PALM2AKAP2: variants seen among roughly 807,000 people sequenced by gnomAD.
The protein encoded by PALM2AKAP2 is PALM2-AKAP2 fusion protein.
In PALM2AKAP2, 37 loss-of-function variants were observed where a neutral mutation model predicts 71.5. That is an observed-to-expected ratio of 0.52 (90% CI 0.40 to 0.68). The LOEUF is 0.68. Ranked by LOEUF, PALM2AKAP2 falls within the 30% of genes least tolerant of loss-of-function variation. The probability of loss-of-function intolerance (pLI) is 0.00; values close to 1 mark genes in which losing one functional copy is unlikely to be tolerated. For missense variants in PALM2AKAP2, 1,224 were observed against 1,191.8 expected (o/e 1.03, Z -0.40); for synonymous variants, 468 against 478.8 (o/e 0.98, Z 0.29).
chr9:110,005,882 G>A (rs940710896), intron 6 of PALM2AKAP2, among the ~76,000 whole-genome samples: 1 of 152,172 alleles, frequency 6.6e-6, no homozygotes, highest in Admixed American at 6.5e-5. Flanking sequence ...GAAAAGTGCA[G>A]TATTAGGGTG....
At chr9:110,169,579 TAGAG>T (rs1253240169) in exon 4 of PALM2AKAP2, 1 of 151,316 alleles carries the variant, frequency 6.6e-6, no homozygotes, top group Non-Finnish European at 1.5e-5. Context: ...GTCAGGAAGG[TAGAG>T]AGAGAAAAAG....
chr9:109,820,654 G>T (rs932417461), intron 1 of PALM2AKAP2, among the ~76,000 whole-genome samples: 1 of 152,222 alleles, frequency 6.6e-6, no homozygotes, highest in East Asian at 1.9e-4. Context: ...TGGCGTCTGA[G>T]TTCTGGCTTG....
At position 109,655,298 on chromosome 9, in the gene PALM2AKAP2, C is replaced by CA. The variant is rs10598253; in HGVS notation, c.5+14452dup. 9.6e-4 allele frequency among the ~76,000 whole-genome samples: 106 copies of CA among 110,362 alleles called. 2 individuals carry two copies. The highest frequency in any genetic ancestry group is 6.4e-3 in the South Asian group (21 of 3,294). 72.4% of individuals were successfully genotyped at this position (110,362 alleles called of 152,430 possible). ...TGGGCGACAGAGCGAGACTCGGTCTCAAAAAAAAAAAAAAAAAAAAGATTG... is the reference window on the plus strand; with the variant it reads ...TGGGCGACAGAGCGAGACTCGGTCTCAAAAAAAAAAAAAAAAAAAAAGATTG... On this transcript the variant is annotated intron_variant, in intron 1 of 6. Transcript: ENST00000374531.
At chr9:109,719,429 G>T (rs1828373727) in intron 1 of PALM2AKAP2, among the ~76,000 whole-genome samples, 1 of 152,160 alleles carries the variant, frequency 6.6e-6, no homozygotes, top group African/African-American at 2.4e-5. Context: ...GTAAATAAGA[G>T]ATAGTTAGAG....
Position 110,136,503 on chromosome 9 carries a change from G to C in PALM2AKAP2, c.533G>C (p.Gly178Ala), listed in dbSNP as rs766318357. 2.5e-6 allele frequency: 4 copies of C among 1,613,762 alleles called. No individual in the cohort carries two copies. The East Asian group carries it at 8.9e-5, about 36-fold the overall frequency. Reference sequence around the variant, plus strand: ...CCTGGTGCAGTGGTTCTGGTGGGCGGCCTAAGCCCCCCTGTCCACGAGGCG... The same window carrying C: ...CCTGGTGCAGTGGTTCTGGTGGGCGCCCTAAGCCCCCCTGTCCACGAGGCG... The change falls in exon 2 of 4, where the codon GGC (glycine) becomes GCC (alanine). Residue 178 changes from glycine (G) to alanine (A), a missense_variant. Coordinates refer to ENST00000374525, the Ensembl canonical transcript of PALM2AKAP2.
At chr9:109,788,751 A>C (rs1402692200) in intron 1 of PALM2AKAP2, among the ~76,000 whole-genome samples, 1 of 152,248 alleles carries the variant, frequency 6.6e-6, no homozygotes. Flanking sequence ...AGTCTTGATT[A>C]ATGAGAGCCT....
At chr9:109,721,523 T>A (rs373323824) in intron 1 of PALM2AKAP2, among the ~76,000 whole-genome samples, 2 of 152,228 alleles carry the variant, frequency 1.3e-5, no homozygotes, top group African/African-American at 4.8e-5. Context: ...CTTAAAATTT[T>A]CTCAGATAAT....
intron 1 of PALM2AKAP2, among the ~76,000 whole-genome samples, chr9:109,827,138 C>T (rs139976163): frequency 3.9e-5 from 6 of 152,200 alleles, no homozygotes; most frequent in East Asian, 1.9e-4. Context: ...CACTGCTATT[C>T]GGTGACAAAG....
At chr9:109,764,998 C>G (rs1829126500) in intron 1 of PALM2AKAP2, among the ~76,000 whole-genome samples, 1 of 152,216 alleles carries the variant, frequency 6.6e-6, no homozygotes, top group South Asian at 2.1e-4. Flanking sequence ...TGTATCTGAA[C>G]TGCCCCATAG....
chr9:109,680,296 C>T (rs1246861337), intron 1 of PALM2AKAP2, among the ~76,000 whole-genome samples: 1 of 152,170 alleles, frequency 6.6e-6, no homozygotes, highest in East Asian at 1.9e-4. Flanking sequence ...ACAGATGGGT[C>T]CATTTTATCT....
chr9:110,063,752 C>T (rs892785052), intron 1 of PALM2AKAP2, among the ~76,000 whole-genome samples: 1 of 152,138 alleles, frequency 6.6e-6, no homozygotes, highest in Non-Finnish European at 1.5e-5. Context: ...CTCAAATTTC[C>T]TCTTCTGTAA....
intron 1 of PALM2AKAP2, among the ~76,000 whole-genome samples, chr9:109,701,851 A>G (rs907960764): frequency 6.6e-6 from 1 of 151,526 alleles, no homozygotes; most frequent in Non-Finnish European, 1.5e-5. Context: ...CTCATCTGAC[A>G]AAGGGCTAAT....
At chr9:110,162,445 G>T (rs575536756) in intron 3 of PALM2AKAP2, among the ~76,000 whole-genome samples, 20 of 152,126 alleles carry the variant, frequency 1.3e-4, no homozygotes, top group Non-Finnish European at 2.5e-4. Context: ...GGCTATTTTG[G>T]TTTTTAAAGT....
At chr9:109,994,179 T>A (rs1490880082) in intron 6 of PALM2AKAP2, among the ~76,000 whole-genome samples, 6 of 152,178 alleles carry the variant, frequency 3.9e-5, no homozygotes, top group African/African-American at 1.4e-4. Flanking sequence ...ATCATCAGAG[T>A]GATCCTGTGT....
chr9:109,932,479 A>G (rs554558456), intron 6 of PALM2AKAP2, among the ~76,000 whole-genome samples: 108 of 152,372 alleles, frequency 7.1e-4, no homozygotes, highest in African/African-American at 2.5e-3. Context: ...TTATGAATAC[A>G]TATATTCCTA....
intron 7 of PALM2AKAP2, among the ~76,000 whole-genome samples, chr9:110,033,382 T>C (rs1833321585): frequency 1.3e-5 from 2 of 152,260 alleles, no homozygotes; most frequent in African/African-American, 4.8e-5. Context: ...CATTGACTTC[T>C]TCCTACTTTC....
At chr9:110,163,174 T>A (rs943201892) in intron 3 of PALM2AKAP2, among the ~76,000 whole-genome samples, 3 of 152,144 alleles carry the variant, frequency 2.0e-5, no homozygotes, top group Non-Finnish European at 4.4e-5. Context: ...TTTATTTCTG[T>A]ATTTTATTTT....
chr9:109,878,174 T>C (rs912921988), intron 2 of PALM2AKAP2, among the ~76,000 whole-genome samples: 1 of 152,166 alleles, frequency 6.6e-6, no homozygotes, highest in East Asian at 1.9e-4. Context: ...CGTAAGCAAA[T>C]TGTACTGCCC....
intron 3 of PALM2AKAP2, among the ~76,000 whole-genome samples, chr9:110,167,685 CT>C (rs370885005): frequency 6.7e-5 from 10 of 150,066 alleles, no homozygotes; most frequent in South Asian, 4.2e-4. Context: ...GATCCAAGAA[CT>C]TTTTTTTTTC....
Sources: allele counts gnomAD v4.1 joint callset (sites outside exome capture counted in the v4.1 genomes callset), GRCh38; gene constraint gnomAD v4.1.1; transcripts MANE v1.5; gene names NCBI Gene and HGNC (gene_info 2026-07-23, HGNC 2026-07-21).